COL21A1: variants seen among roughly 807,000 people sequenced by gnomAD.
COL21A1 encodes the protein collagen alpha-1(XXI) chain.
A neutral mutation model predicts 137.9 loss-of-function variants in COL21A1; 149 were observed. That is an observed-to-expected ratio of 1.08 (90% CI 0.95 to 1.24). COL21A1 has a LOEUF of 1.24. Among genes scored for constraint, COL21A1 ranks in the 50% most tolerant of loss-of-function variants. COL21A1 has a pLI of 0.00. For missense variants in COL21A1, 1,167 were observed against 1,158.4 expected, an observed-to-expected ratio of 1.01 and a Z score of -0.11; for synonymous variants, 456 against 391.5, an observed-to-expected ratio of 1.16 and a Z score of -1.95.
At chr6:56,283,874 A>ACTCTCTCT (rs66937943) in intron 1 of COL21A1, among the ~76,000 whole-genome samples, 19 of 146,292 alleles carry the variant, frequency 1.3e-4, no homozygotes, top group African/African-American at 4.8e-4. Flanking sequence ...TCACACACAC[A>ACTCTCTCT]CTCTCTCTCT....
intron 27 of COL21A1, 62 bp downstream of exon 27, chr6:56,060,679 A>T: frequency 7.2e-7 from 1 of 1,381,516 alleles, no homozygotes; most frequent in Non-Finnish European, 1.0e-6. Flanking sequence ...AATATGTCCT[A>T]AGAATTTGTA....
At chr6:56,384,968 T>C (rs1291380094) in intron 1 of COL21A1, among the ~76,000 whole-genome samples, 1 of 152,160 alleles carries the variant, frequency 6.6e-6, no homozygotes, top group Non-Finnish European at 1.5e-5. Context: ...ACTTCCGAGA[T>C]GCTATGGAGC....
intron 1 of COL21A1, among the ~76,000 whole-genome samples, chr6:56,373,014 TAA>T (rs758684428): frequency 7.0e-6 from 1 of 143,306 alleles, no homozygotes; most frequent in African/African-American, 2.6e-5. Flanking sequence ...GAAAGCAAAA[TAA>T]AAAAAAAAAA....
At chr6:56,229,543 A>C (rs1253208718) in intron 1 of COL21A1, among the ~76,000 whole-genome samples, 2 of 151,974 alleles carry the variant, frequency 1.3e-5, no homozygotes, top group Non-Finnish European at 2.9e-5. Context: ...AGTAACAAAT[A>C]TATCCAAAAA....
At chr6:56,132,001 T>C (rs1383602208) in intron 12 of COL21A1, among the ~76,000 whole-genome samples, 2 of 151,862 alleles carry the variant, frequency 1.3e-5, no homozygotes, top group African/African-American at 2.4e-5. Flanking sequence ...AGATTATACC[T>C]CTAATATGTC....
chr6:56,217,197 T>C (rs1268046034), intron 1 of COL21A1, among the ~76,000 whole-genome samples: 1 of 152,104 alleles, frequency 6.6e-6, no homozygotes, highest in African/African-American at 2.4e-5. Flanking sequence ...TTTCTGTAAA[T>C]GGACACTATA....
At chr6:56,309,131 C>T (rs1466043045) in intron 1 of COL21A1, among the ~76,000 whole-genome samples, 2 of 151,782 alleles carry the variant, frequency 1.3e-5, no homozygotes. Flanking sequence ...CAACCTCTGC[C>T]TCCCGGGTTA....
At chr6:56,185,618 G>T (rs1467853909) in intron 1 of COL21A1, among the ~76,000 whole-genome samples, 1 of 151,362 alleles carries the variant, frequency 6.6e-6, no homozygotes, top group African/African-American at 2.4e-5. Context: ...TGTATTTTTA[G>T]TAGAGACGGG....
At position 56,129,699 on chromosome 6, in the gene COL21A1, T is replaced by TGTGTGTGTGTGTGAGA. The variant is rs1450514214; in HGVS notation, c.1543-3551_1543-3550insTCTCACACACACACAC. ...GCGTGTGTGTGTGTGTGTGTGTGTG[T>TGTGTGTGTGTGTGAGA]GAGAGAGAGAGAGAGAGAGAGAGAC... On this transcript the variant is annotated intron_variant, in intron 12 of 29. Coordinates refer to ENST00000244728, the MANE Select transcript of COL21A1 (RefSeq NM_030820.4). Among the ~76,000 whole-genome samples the TGTGTGTGTGTGTGAGA allele has an allele frequency of 1.9e-3, 226 of 120,506 alleles. 1 individual carries two copies. Among genetic ancestry groups the TGTGTGTGTGTGTGAGA allele is most frequent in the African/African-American group, 6.7e-3 (217 of 32,364 alleles). 79.1% of individuals were successfully genotyped at this position (120,506 alleles called of 152,430 possible).
At chr6:56,257,535 C>A (rs938097597) in intron 1 of COL21A1, among the ~76,000 whole-genome samples, 8 of 151,874 alleles carry the variant, frequency 5.3e-5, no homozygotes, top group African/African-American at 1.2e-4. Context: ...GAAGAAAAAA[C>A]CCCCAAAGCC....
At chr6:56,069,006 A>T in intron 22 of COL21A1, 40 bp downstream of exon 22, 1 of 1,389,520 alleles carries the variant, frequency 7.2e-7, no homozygotes, top group South Asian at 1.3e-5. Flanking sequence ...TTTGCAAGTA[A>T]CTGGTTAAAA....
At chr6:56,085,672 T>A (rs1768176874) in intron 17 of COL21A1, among the ~76,000 whole-genome samples, 1 of 151,984 alleles carries the variant, frequency 6.6e-6, no homozygotes. Context: ...CAGTAGTTAT[T>A]AAACTTTACA....
intron 1 of COL21A1, among the ~76,000 whole-genome samples, chr6:56,297,935 C>T (rs1303953635): frequency 6.6e-6 from 1 of 151,998 alleles, no homozygotes; most frequent in Admixed American, 6.6e-5. Context: ...TTTTGGGGTG[C>T]ACATTTCTCT....
intron 3 of COL21A1, among the ~76,000 whole-genome samples, chr6:56,173,500 T>C (rs1777221078): frequency 6.6e-6 from 1 of 151,968 alleles, no homozygotes; most frequent in Non-Finnish European, 1.5e-5. Context: ...AGGACACACA[T>C]AGGCTGTAAG....
intron 16 of COL21A1, among the ~76,000 whole-genome samples, chr6:56,121,867 G>A (rs902250753): frequency 3.3e-5 from 5 of 151,566 alleles, no homozygotes; most frequent in Non-Finnish European, 7.4e-5. Flanking sequence ...ATTCATGAAT[G>A]TTTCCATTAA....
rs1319825310 is a variant in COL21A1 at position 56,189,711 on chromosome 6, G to A, written c.-38-7055C>T. On this transcript the variant is annotated intron_variant, in intron 1 of 29. Coordinates refer to ENST00000244728, the MANE Select transcript of COL21A1 (RefSeq NM_030820.4). ...AATGAAGAAAAAAATGTTAAGGGCA[G>A]CCAGAGAGAAAGGTCAGGTTACCCA... Among the ~76,000 whole-genome samples, 7 of 152,300 alleles carry A rather than the reference G, an allele frequency of 4.6e-5. No homozygotes were observed. In the East Asian group the frequency reaches 1.4e-3, roughly 29 times the overall value.
At chr6:56,300,374 T>C (rs1764253598) in intron 1 of COL21A1, among the ~76,000 whole-genome samples, 1 of 152,140 alleles carries the variant, frequency 6.6e-6, no homozygotes, top group South Asian at 2.1e-4. Flanking sequence ...TATAATCCTC[T>C]TTGCTTTTGT....
intron 1 of COL21A1, among the ~76,000 whole-genome samples, chr6:56,239,868 C>G (rs149492808): frequency 6.6e-6 from 1 of 152,110 alleles, no homozygotes; most frequent in African/African-American, 2.4e-5. Flanking sequence ...GGGATTAAAG[C>G]CTGGTATGGT....
At position 56,063,137 on chromosome 6, in the gene COL21A1, A is replaced by G. The variant is rs1025093478; in HGVS notation, c.2172+1441T>C. ...TGGTGAGAAATGTAGCTTCCAACCAATCTAGGGCAGAAGCTTTCTAGGGAA... is the reference window on the plus strand; with the variant it reads ...TGGTGAGAAATGTAGCTTCCAACCAGTCTAGGGCAGAAGCTTTCTAGGGAA... On this transcript the variant is annotated intron_variant, in intron 24 of 29. Coordinates refer to ENST00000244728, the MANE Select transcript of COL21A1 (RefSeq NM_030820.4). 2.6e-5 allele frequency among the ~76,000 whole-genome samples: 4 copies of G among 152,110 alleles called. No individual in the cohort carries two copies. The East Asian group carries it at 7.7e-4, about 29-fold the overall frequency.
Sources: allele counts gnomAD v4.1 joint callset (sites outside exome capture counted in the v4.1 genomes callset), GRCh38; gene constraint gnomAD v4.1.1; transcripts MANE v1.5; gene names NCBI Gene and HGNC (gene_info 2026-07-23, HGNC 2026-07-21).